The following SBF2 variants were observed in gnomAD, a reference collection of about 807,000 sequenced individuals.
SBF2 encodes SET binding factor 2.
In SBF2, 112 loss-of-function variants were observed where a neutral mutation model predicts 225.2. That is an observed-to-expected ratio of 0.50 (90% CI 0.43 to 0.58). The LOEUF (loss-of-function observed/expected upper bound fraction) is 0.58, where lower values mean the gene tolerates loss of function less well. Ranked by LOEUF, SBF2 falls within the 20% of genes least tolerant of loss-of-function variation. SBF2 has a pLI of 0.00. For missense variants in SBF2, 1,996 were observed against 2,206.2 expected (o/e 0.90, Z 1.91); for synonymous variants, 763 against 773.3 (o/e 0.99, Z 0.22).
At chr11:9,983,359 T>C (rs1043030744) in intron 13 of SBF2, among the ~76,000 whole-genome samples, 1 of 151,962 alleles carries the variant, frequency 6.6e-6, no homozygotes, top group East Asian at 1.9e-4. Context: ...AGCCATAATC[T>C]CCCTAGGTAC....
chr11:9,880,278 T>C (rs1210310228), intron 17 of SBF2, among the ~76,000 whole-genome samples: 2 of 152,160 alleles, frequency 1.3e-5, no homozygotes, highest in Non-Finnish European at 2.9e-5. Context: ...GTGTTTTGTT[T>C]TGGCTGTCTA....
chr11:10,083,552 C>G (rs1951445069), intron 2 of SBF2, among the ~76,000 whole-genome samples: 1 of 151,882 alleles, frequency 6.6e-6, no homozygotes, highest in East Asian at 1.9e-4. Flanking sequence ...TGGAACATAC[C>G]AGAGAACTAA....
At chr11:10,022,960 G>C (rs1272950140) in intron 6 of SBF2, among the ~76,000 whole-genome samples, 1 of 152,034 alleles carries the variant, frequency 6.6e-6, no homozygotes, top group Non-Finnish European at 1.5e-5. Flanking sequence ...AGTAGTGTTT[G>C]GTAAGGTTAT....
intron 2 of SBF2, among the ~76,000 whole-genome samples, chr11:10,184,446 A>G (rs1463494381): frequency 6.6e-6 from 1 of 152,218 alleles, no homozygotes; most frequent in East Asian, 1.9e-4. Flanking sequence ...ACTGTTTTAA[A>G]AAGTTAACTA....
chr11:10,056,950 C>T (rs560337819), intron 2 of SBF2, among the ~76,000 whole-genome samples: 2 of 152,140 alleles, frequency 1.3e-5, no homozygotes, highest in Admixed American at 6.5e-5. Flanking sequence ...AGTTCCAATC[C>T]CGTTCCTCCT....
At chr11:9,898,341 T>C (rs370962711) in intron 16 of SBF2, among the ~76,000 whole-genome samples, 1 of 151,718 alleles carries the variant, frequency 6.6e-6, no homozygotes, top group East Asian at 1.9e-4. Context: ...GTTTAGAATT[T>C]ACTGCATGTT....
chr11:9,959,863 G>A (rs1031796465), intron 16 of SBF2: 6 of 493,076 alleles, frequency 1.2e-5, no homozygotes, highest in South Asian at 1.0e-4. Context: ...AGAGAGGAGG[G>A]GAGGCCACTG....
At chr11:10,293,611 A>G (rs1964310368) in intron 1 of SBF2, among the ~76,000 whole-genome samples, 1 of 152,188 alleles carries the variant, frequency 6.6e-6, no homozygotes, top group African/African-American at 2.4e-5. Flanking sequence ...TTACTCACTC[A>G]GGATGCAGGG....
intron 6 of SBF2, among the ~76,000 whole-genome samples, chr11:10,023,126 A>G (rs1057092427): frequency 6.6e-6 from 1 of 152,156 alleles, no homozygotes; most frequent in African/African-American, 2.4e-5. Flanking sequence ...ATTGCCCTCA[A>G]CTACTATTGG....
At chr11:10,223,424 T>TATATATATAG (rs2135412118) in intron 1 of SBF2, among the ~76,000 whole-genome samples, 1 of 116,702 alleles carries the variant, frequency 8.6e-6, no homozygotes, top group South Asian at 3.1e-4. Context: ...TATATATATA[T>TATATATATAG]ATATATATAT....
intron 21 of SBF2, 93 bp from the exon 22 acceptor site, chr11:9,850,311 A>G: frequency 8.7e-7 from 1 of 1,147,364 alleles, no homozygotes; most frequent in Non-Finnish European, 1.3e-6. Context: ...CCTAGAATAC[A>G]GTAGTGCAAT....
At chr11:9,869,449 G>A in intron 17 of SBF2, among the ~76,000 whole-genome samples, 1 of 152,092 alleles carries the variant, frequency 6.6e-6, no homozygotes, top group East Asian at 1.9e-4. Flanking sequence ...CTCCCGAGTA[G>A]CTGGGATTAC....
upstream of SBF2, chr11:10,294,248 C>T: frequency 2.4e-6 from 1 of 424,952 alleles, no homozygotes; most frequent in Non-Finnish European, 3.9e-6. Context: ...GTGCCCGCTC[C>T]TCCCCCGCCC....
At chr11:10,006,025 A>G (rs1205059618) in intron 6 of SBF2, among the ~76,000 whole-genome samples, 2 of 152,144 alleles carry the variant, frequency 1.3e-5, no homozygotes, top group African/African-American at 4.8e-5. Context: ...TGGTAGGGCT[A>G]AAGCCTAAAA....
chr11:10,188,852 C>T (rs1464220442), intron 2 of SBF2, among the ~76,000 whole-genome samples: 4 of 152,230 alleles, frequency 2.6e-5, no homozygotes, highest in South Asian at 2.1e-4. Flanking sequence ...TTTATATCCA[C>T]TTGCTTTGTT....
At chr11:9,912,483 G>A (rs1862719949) in intron 16 of SBF2, among the ~76,000 whole-genome samples, 1 of 151,888 alleles carries the variant, frequency 6.6e-6, no homozygotes, top group Non-Finnish European at 1.5e-5. Context: ...TACTTGGGAG[G>A]CTGAGGCAGA....
At chr11:9,809,275 G>A (rs1329675810) in intron 30 of SBF2, 1 of 375,532 alleles carries the variant, frequency 2.7e-6, no homozygotes, top group Non-Finnish European at 5.0e-6. Context: ...AGACCAGCCT[G>A]GGCAACATAG....
chr11:10,247,526 C>CAA lies in SBF2; in HGVS notation c.55+46487_55+46488dup, dbSNP rs36111945. On this transcript the variant is annotated intron_variant, in intron 1 of 39. Coordinates refer to ENST00000256190, the MANE Select transcript of SBF2 (RefSeq NM_030962.4). ...TGAAACCCCATCTCTACTAAAAATA[C>CAA]AAAAAAAAAAAAAAAAAATTAGCCA... Among the ~76,000 whole-genome samples, 465 of 112,174 alleles carry CAA rather than the reference C, an allele frequency of 4.1e-3. 3 individuals carry two copies. The highest frequency in any genetic ancestry group is 6.5e-3 in the South Asian group (24 of 3,714). 73.6% of individuals were successfully genotyped at this position (112,174 alleles called of 152,430 possible).
chr11:10,297,198 CA>C (rs754427282), upstream of SBF2, among the ~76,000 whole-genome samples: 1 of 151,824 alleles, frequency 6.6e-6, no homozygotes, highest in African/African-American at 2.4e-5. Flanking sequence ...TTCCCCCCCC[CA>C]AATATTTCCT....
Sources: allele counts gnomAD v4.1 joint callset (sites outside exome capture counted in the v4.1 genomes callset), GRCh38; gene constraint gnomAD v4.1.1; transcripts MANE v1.5; gene names NCBI Gene and HGNC (gene_info 2026-07-23, HGNC 2026-07-21).